ADAMTSL1: variants seen among roughly 807,000 people sequenced by gnomAD.
The protein encoded by ADAMTSL1 is ADAMTS like 1.
Under a neutral mutation model 201.8 loss-of-function variants are expected in ADAMTSL1, and 126 were observed. The ratio of observed to expected loss-of-function variants is 0.62; its 90% CI spans 0.54 to 0.72. The LOEUF is 0.72. Ranked by LOEUF, ADAMTSL1 falls within the 30% of genes least tolerant of loss-of-function variation. The probability of loss-of-function intolerance (pLI) is 0.00; values close to 1 mark genes in which losing one functional copy is unlikely to be tolerated. For synonymous variants in ADAMTSL1, 1,121 were observed against 903.4 expected (o/e 1.24, Z -4.32); for missense variants, 2,679 against 2,277.8 (o/e 1.18, Z -3.59).
chr9:17,952,298 A>C (rs958231968), intron 1 of ADAMTSL1, among the ~76,000 whole-genome samples: 1 of 152,026 alleles, frequency 6.6e-6, no homozygotes, highest in African/African-American at 2.4e-5. Flanking sequence ...ATTTATGAAC[A>C]AATTCCTACC....
chr9:18,530,541 C>G (rs1306173045), intron 2 of ADAMTSL1, among the ~76,000 whole-genome samples: 1 of 152,086 alleles, frequency 6.6e-6, no homozygotes, highest in African/African-American at 2.4e-5. Flanking sequence ...AACCCTAAAT[C>G]CCCCGAAAAC....
chr9:18,463,235 A>G (rs1215912940), intron 2 of ADAMTSL1, among the ~76,000 whole-genome samples: 2 of 152,186 alleles, frequency 1.3e-5, no homozygotes, highest in African/African-American at 2.4e-5. Context: ...AATCATACTT[A>G]TTATCACATT....
At chr9:18,093,604 AAATATT>A (rs1824118260) in intron 1 of ADAMTSL1, among the ~76,000 whole-genome samples, 1 of 152,198 alleles carries the variant, frequency 6.6e-6, no homozygotes, top group Non-Finnish European at 1.5e-5. Flanking sequence ...AGAAAAATAT[AAATATT>A]ATTACTTAGA....
At chr9:18,850,086 G>C (rs1826388268) in intron 23 of ADAMTSL1, among the ~76,000 whole-genome samples, 1 of 152,186 alleles carries the variant, frequency 6.6e-6, no homozygotes, top group Non-Finnish European at 1.5e-5. Flanking sequence ...AAATGTCACT[G>C]CCTAGCCACT....
At chr9:17,951,640 C>G (rs1299500008) in intron 1 of ADAMTSL1, among the ~76,000 whole-genome samples, 1 of 124,432 alleles carries the variant, frequency 8.0e-6, no homozygotes, top group Non-Finnish European at 1.7e-5. Flanking sequence ...TTTTTTTTTT[C>G]TATTGGGCTG....
chr9:18,171,178 A>G (rs1035704225), intron 2 of ADAMTSL1, among the ~76,000 whole-genome samples: 3 of 152,106 alleles, frequency 2.0e-5, no homozygotes, highest in African/African-American at 7.2e-5. Flanking sequence ...AAATAGAACA[A>G]CATAGATAAC....
intron 2 of ADAMTSL1, among the ~76,000 whole-genome samples, chr9:18,510,052 T>C (rs1817939599): frequency 6.6e-6 from 1 of 152,218 alleles, no homozygotes. Context: ...AGCATTCATA[T>C]TGAGTCCAAA....
intron 15 of ADAMTSL1, among the ~76,000 whole-genome samples, chr9:18,752,709 A>G (rs1390864712): frequency 6.6e-6 from 1 of 152,214 alleles, no homozygotes; most frequent in Non-Finnish European, 1.5e-5. Flanking sequence ...TTCCCTTCAA[A>G]AAGACTGATC....
intron 1 of ADAMTSL1, among the ~76,000 whole-genome samples, chr9:18,130,704 A>AAATTCAGC (rs1564017006): frequency 6.6e-6 from 1 of 152,310 alleles, no homozygotes; most frequent in East Asian, 1.9e-4. Flanking sequence ...ATAAGACATA[A>AAATTCAGC]AATTCAGCAT....
intron 2 of ADAMTSL1, among the ~76,000 whole-genome samples, chr9:18,466,174 G>A (rs541037758): frequency 6.6e-6 from 1 of 152,256 alleles, no homozygotes; most frequent in South Asian, 2.1e-4. Flanking sequence ...TCTGTGCCAG[G>A]AAAACAGTTT....
At chr9:18,178,989 C>G (rs939104260) in intron 2 of ADAMTSL1, among the ~76,000 whole-genome samples, 2 of 151,976 alleles carry the variant, frequency 1.3e-5, no homozygotes, top group African/African-American at 4.8e-5. Context: ...TCCAAAGGAA[C>G]GCAGTTCCTC....
At chr9:18,711,681 C>T (rs1282821857) in intron 14 of ADAMTSL1, among the ~76,000 whole-genome samples, 1 of 152,228 alleles carries the variant, frequency 6.6e-6, no homozygotes, top group Non-Finnish European at 1.5e-5. Flanking sequence ...GGGGCGCCCG[C>T]CATTGCCCAG....
intron 7 of ADAMTSL1, among the ~76,000 whole-genome samples, chr9:18,647,761 A>G (rs1156776984): frequency 4.6e-5 from 7 of 151,742 alleles, no homozygotes; most frequent in East Asian, 3.9e-4. Context: ...ACAGTTTGTT[A>G]TAATTTCTGT....
intron 13 of ADAMTSL1, among the ~76,000 whole-genome samples, chr9:18,692,359 T>C (rs1204683085): frequency 6.7e-6 from 1 of 149,914 alleles, no homozygotes; most frequent in African/African-American, 2.4e-5. Flanking sequence ...ATAGAGCCGT[T>C]TTTTTGTAGT....
intron 2 of ADAMTSL1, among the ~76,000 whole-genome samples, chr9:18,232,822 T>C (rs538764997): frequency 5.7e-4 from 87 of 152,300 alleles, no homozygotes; most frequent in Non-Finnish European, 8.4e-4. Context: ...GTGTAGTAAC[T>C]GGTACAAAAG....
intron 1 of ADAMTSL1, among the ~76,000 whole-genome samples, chr9:18,147,416 C>T (rs918781504): frequency 3.3e-5 from 5 of 152,068 alleles, no homozygotes; most frequent in African/African-American, 1.2e-4. Flanking sequence ...GAATGGCTCA[C>T]CACTTAGCAC....
At chr9:18,121,694 T>C (rs1825503202) in intron 1 of ADAMTSL1, among the ~76,000 whole-genome samples, 1 of 152,204 alleles carries the variant, frequency 6.6e-6, no homozygotes, top group East Asian at 1.9e-4. Flanking sequence ...TATAAACACA[T>C]ATCATACAAG....
chr9:18,064,833 T>C lies in ADAMTSL1; in HGVS notation c.88-99029T>C, dbSNP rs2131711438. On this transcript the variant is annotated intron_variant, in intron 1 of 29. Transcript: ENST00000680146. The stretch of plus-strand genomic sequence containing the variant: ...ATAGATATTACATATGCTAATATTT[T>C]CTGGAGATGTCTTTGAGTCAAGACA... Among the ~76,000 whole-genome samples, 3 of 151,944 alleles carry C rather than the reference T, an allele frequency of 2.0e-5. No homozygotes were observed. The East Asian group carries it at 5.8e-4, about 29-fold the overall frequency.
intron 1 of ADAMTSL1, among the ~76,000 whole-genome samples, chr9:18,475,994 A>G (rs191686745): frequency 2.0e-5 from 3 of 152,272 alleles, no homozygotes; most frequent in African/African-American, 7.2e-5. Flanking sequence ...ATGAAAAGGT[A>G]TGTATGCTTA....
Sources: gnomAD v4.1 joint callset for allele counts (sites outside exome capture counted in the v4.1 genomes callset) on GRCh38, gnomAD v4.1.1 for gene constraint, MANE v1.5 for transcripts, NCBI Gene and HGNC (gene_info 2026-07-23, HGNC 2026-07-21) for gene names.